RALGPS2: variants seen among roughly 807,000 people sequenced by gnomAD.
RALGPS2 encodes ras-specific guanine nucleotide-releasing factor RalGPS2.
RALGPS2 carries 43 observed loss-of-function variants against 86.8 expected under a neutral mutation model. The observed-to-expected ratio is 0.50, with a 90% confidence interval of 0.39 to 0.64. RALGPS2 has a LOEUF of 0.64. RALGPS2 is among the 30% of genes least tolerant of loss of function. The probability of loss-of-function intolerance (pLI) is 0.00; values close to 1 mark genes in which losing one functional copy is unlikely to be tolerated. For synonymous variants in RALGPS2, 243 were observed against 231.3 expected (o/e 1.05, Z -0.46); for missense variants, 536 against 694.6 (o/e 0.77, Z 2.57).
rs1448884108 is a variant in RALGPS2 at position 178,919,539 on chromosome 1, C to T, written c.*3180C>T. The T allele has an allele frequency of 6.6e-6, 1 of 151,990 alleles. No homozygotes were observed. Among genetic ancestry groups the T allele is most frequent in the Non-Finnish European group, 1.5e-5 (1 of 67,890 alleles). The allele number at this position is 151,990 out of a possible 1,614,324, so 9.4% of individuals were successfully genotyped here. A position where few individuals can be genotyped will look rare whatever the true frequency, so the allele number is the denominator to read the frequency against. On this transcript the variant is annotated 3_prime_UTR_variant, in exon 20 of 20. Transcript: ENST00000367635. ...AAACATGTTTACAGACTCTAGCTTT[C>T]CTTATTAGCTTAAACTGGGGCCCTC...
At chr1:178,765,604 G>GAA (rs1371008107) in intron 1 of RALGPS2, among the ~76,000 whole-genome samples, 1 of 152,172 alleles carries the variant, frequency 6.6e-6, no homozygotes, top group Non-Finnish European at 1.5e-5. Flanking sequence ...GACAGGGTTT[G>GAA]AGAGCAGATA....
intron 1 of RALGPS2, among the ~76,000 whole-genome samples, chr1:178,745,185 A>G (rs970878225): frequency 6.6e-6 from 1 of 152,220 alleles, no homozygotes; most frequent in Non-Finnish European, 1.5e-5. Context: ...GAAGACAATT[A>G]TCCCTAAATT....
intron 1 of RALGPS2, among the ~76,000 whole-genome samples, chr1:178,750,754 A>G (rs1651606619): frequency 6.6e-6 from 1 of 152,186 alleles, no homozygotes; most frequent in African/African-American, 2.4e-5. Context: ...CAAATTCGTC[A>G]AATGTCCGCA....
At chr1:178,741,477 T>C (rs558933690) in intron 1 of RALGPS2, among the ~76,000 whole-genome samples, 12 of 152,370 alleles carry the variant, frequency 7.9e-5, no homozygotes, top group South Asian at 4.1e-4. Flanking sequence ...GTTTCTTTTA[T>C]GTTTTTCTAG....
At chr1:178,877,476 C>G in intron 8 of RALGPS2, 22 bp from the exon 9 acceptor site, 7 of 1,610,978 alleles carry the variant, frequency 4.3e-6, no homozygotes, top group Non-Finnish European at 5.1e-6. Flanking sequence ...AGAAAACGTT[C>G]ATTTATCTAA....
intron 7 of RALGPS2, among the ~76,000 whole-genome samples, chr1:178,827,597 A>G (rs112051308): frequency 0.1 from 15,597 of 151,504 alleles, 1,843 homozygotes; most frequent in African/African-American, 0.29. Context: ...GGGTTTCACC[A>G]TTTTAGCCGG....
At chr1:178,904,196 G>C (rs906683854) in intron 18 of RALGPS2, among the ~76,000 whole-genome samples, 26 of 151,946 alleles carry the variant, frequency 1.7e-4, no homozygotes, top group Admixed American at 1.7e-3. Context: ...TTTTCGATGG[G>C]ATTGGTTTTT....
chr1:178,908,409 T>C (rs1335334714), intron 19 of RALGPS2, among the ~76,000 whole-genome samples: 1 of 152,226 alleles, frequency 6.6e-6, no homozygotes, highest in Non-Finnish European at 1.5e-5. Flanking sequence ...ATGTGTCTTT[T>C]TGGTAGAACA....
chr1:178,733,596 C>T (rs1030001243), intron 1 of RALGPS2, among the ~76,000 whole-genome samples: 7 of 152,174 alleles, frequency 4.6e-5, no homozygotes, highest in Non-Finnish European at 8.8e-5. Flanking sequence ...CATTTGGAAC[C>T]CTTATACATT....
chr1:178,886,111 A>C lies in RALGPS2; in HGVS notation c.1183A>C (p.Ile395Leu), dbSNP rs1460690428. The C allele has an allele frequency of 6.2e-7, 1 of 1,611,242 alleles. No individual in the cohort carries two copies. Among genetic ancestry groups the C allele is most frequent in the Non-Finnish European group, 8.5e-7 (1 of 1,179,216 alleles). ...TGAAAGTTCTACTCTTTCTAGTGGA[A>C]TATCAATAGGTGAGAAATACTTCTC... ...QAESSTLSSG[I>L]SIGSSDGSEL... The change falls in exon 13 of 20, where the codon ATA becomes CTA. Residue 395 changes from isoleucine to leucine, a missense_variant. This residue lies in a region of RALGPS2 where 309 missense variants were observed against 363.0 expected (regional missense o/e 0.85). Transcript: ENST00000367635.
chr1:178,896,730 C>CTGA (rs1419828228), intron 16 of RALGPS2, among the ~76,000 whole-genome samples: 2 of 143,328 alleles, frequency 1.4e-5, no homozygotes, highest in African/African-American at 5.3e-5. Flanking sequence ...TTTGTTCTTG[C>CTGA]GATAGTTTAC....
At chr1:178,906,188 C>T (rs1660380306) in intron 18 of RALGPS2, among the ~76,000 whole-genome samples, 1 of 152,138 alleles carries the variant, frequency 6.6e-6, no homozygotes, top group African/African-American at 2.4e-5. Flanking sequence ...GCCTAGCCAA[C>T]ATGGTGAAAC....
chr1:178,844,252 G>A (rs1656757048), intron 8 of RALGPS2, among the ~76,000 whole-genome samples: 2 of 152,082 alleles, frequency 1.3e-5, no homozygotes, highest in African/African-American at 4.8e-5. Context: ...AATATCTATA[G>A]TGCATAGAAA....
At chr1:178,815,362 G>A (rs543713295) in intron 6 of RALGPS2, among the ~76,000 whole-genome samples, 7 of 152,218 alleles carry the variant, frequency 4.6e-5, no homozygotes, top group African/African-American at 1.7e-4. Context: ...TGGGATTACA[G>A]GTGTGAGCCA....
At chr1:178,887,267 A>G (rs1025974648) in intron 13 of RALGPS2, among the ~76,000 whole-genome samples, 4 of 152,192 alleles carry the variant, frequency 2.6e-5, no homozygotes, top group African/African-American at 4.8e-5. Context: ...AGCCTGGCCA[A>G]CATGGCAAAA....
chr1:178,849,328 A>G (rs753734883), intron 8 of RALGPS2, among the ~76,000 whole-genome samples: 28 of 152,206 alleles, frequency 1.8e-4, no homozygotes, highest in Admixed American at 3.3e-4. Context: ...TATGCTGTCT[A>G]GGAACTTCAG....
intron 6 of RALGPS2, 50 bp downstream of exon 6, chr1:178,811,454 T>A: frequency 8.1e-7 from 1 of 1,230,300 alleles, no homozygotes; most frequent in Non-Finnish European, 1.1e-6. Context: ...TCATAAATGT[T>A]TGTAAGTGAA....
intron 1 of RALGPS2, among the ~76,000 whole-genome samples, chr1:178,750,212 T>G (rs532798363): frequency 6.6e-6 from 1 of 152,058 alleles, no homozygotes; most frequent in Middle Eastern, 3.4e-3. Context: ...AAAAAGTAAA[T>G]TAAAATCTAC....
intron 8 of RALGPS2, among the ~76,000 whole-genome samples, chr1:178,847,593 G>A (rs142760558): frequency 6.6e-6 from 1 of 152,190 alleles, no homozygotes; most frequent in East Asian, 1.9e-4. Flanking sequence ...CTAAAAACTT[G>A]TTAGGGTATA....
Sources: gnomAD v4.1 joint callset for allele counts (sites outside exome capture counted in the v4.1 genomes callset) on GRCh38, gnomAD v4.1.1 for gene constraint, gnomAD v4.1.1 regional missense constraint, MANE v1.5 for transcripts, NCBI Gene and HGNC (gene_info 2026-07-23, HGNC 2026-07-21) for gene names.